Variants in BLTP1 observed in about 807,000 individuals in gnomAD.
The protein encoded by BLTP1 is fragile site-associated protein.
the BLTP1 span, chr4:122,173,243 A>T: frequency 7.5e-7 from 1 of 1,335,496 alleles, no homozygotes; most frequent in East Asian, 2.3e-5. Context: ...AATGCCTGAG[A>T]CTAGGTCATT....
the BLTP1 span, chr4:122,279,654 C>T: frequency 8.8e-7 from 1 of 1,133,320 alleles, no homozygotes; most frequent in South Asian, 1.7e-5. Context: ...ACACATTTTC[C>T]ATGAACTTTT....
the BLTP1 span, among the ~76,000 whole-genome samples, chr4:122,337,545 A>C: frequency 6.6e-6 from 1 of 152,110 alleles, no homozygotes; most frequent in African/African-American, 2.4e-5. Flanking sequence ...TTTTCTACCA[A>C]GAAGTTTCAT....
chr4:122,174,169 A>T, the BLTP1 span: 2 of 983,784 alleles, frequency 2.0e-6, no homozygotes, highest in African/African-American at 1.7e-5. Context: ...CTTTTAGTCG[A>T]CATAAAACTT....
At chr4:122,191,477 G>A in the BLTP1 span, among the ~76,000 whole-genome samples, 3 of 152,054 alleles carry the variant, frequency 2.0e-5, no homozygotes, top group African/African-American at 4.8e-5. Context: ...TAATGGAATT[G>A]GTGAATATTT....
the BLTP1 span, chr4:122,268,906 G>A: frequency 6.5e-6 from 1 of 152,810 alleles, no homozygotes; most frequent in African/African-American, 2.4e-5. Context: ...GTTTTGTACT[G>A]ACTTGTGGGC....
the BLTP1 span, chr4:122,154,447 A>G: frequency 0.021 from 20,324 of 985,238 alleles, 228 homozygotes; most frequent in Non-Finnish European, 0.023. Flanking sequence ...TGATTGACAA[A>G]TTAAGTCATG....
At chr4:122,300,824 C>T in the BLTP1 span, 1 of 657,770 alleles carries the variant, frequency 1.5e-6, no homozygotes, top group South Asian at 6.8e-5. Context: ...GATAGGCAGG[C>T]AGAATGTTTT....
the BLTP1 span, chr4:122,235,374 C>A: frequency 1.0e-6 from 1 of 984,486 alleles, no homozygotes; most frequent in Non-Finnish European, 1.2e-6. Flanking sequence ...AATTGTTTCA[C>A]CAGCTTGCTT....
chr4:122,282,034 A>G, the BLTP1 span: 1 of 979,990 alleles, frequency 1.0e-6, no homozygotes. Context: ...TTTAAACTTA[A>G]GTTGAAGAAA....
At chr4:122,267,627 A>C in the BLTP1 span, 1 of 980,662 alleles carries the variant, frequency 1.0e-6, no homozygotes, top group Non-Finnish European at 1.2e-6. Context: ...TGTATTAGAA[A>C]TAGGGCAGAA....
chr4:122,289,506 G>T, the BLTP1 span: 1 of 983,850 alleles, frequency 1.0e-6, no homozygotes, highest in Non-Finnish European at 1.2e-6. Flanking sequence ...CAACATTTAG[G>T]TAACTACTAA....
chr4:122,280,022 C>G, the BLTP1 span: 687 of 1,612,006 alleles, frequency 4.3e-4, 1 homozygote, highest in Admixed American at 8.5e-4. Context: ...ATTCCATATA[C>G]TACCTCAGGG....
chr4:122,346,024 C>T, the BLTP1 span: 1 of 984,718 alleles, frequency 1.0e-6, no homozygotes, highest in Non-Finnish European at 1.2e-6. Context: ...AGACAACTGA[C>T]TTAGCGGGTA....
At chr4:122,288,434 A>G in the BLTP1 span, among the ~76,000 whole-genome samples, 1 of 152,160 alleles carries the variant, frequency 6.6e-6, no homozygotes, top group South Asian at 2.1e-4. Flanking sequence ...TAATCCCAGC[A>G]CTTTGGGAGG....
chr4:122,178,625 C>T, the BLTP1 span, among the ~76,000 whole-genome samples: 7 of 152,188 alleles, frequency 4.6e-5, no homozygotes, highest in Non-Finnish European at 8.8e-5. Flanking sequence ...CTGATAAACA[C>T]TAAATACTGA....
chr4:122,164,763 T>A, the BLTP1 span, among the ~76,000 whole-genome samples: 1 of 152,130 alleles, frequency 6.6e-6, no homozygotes, highest in Non-Finnish European at 1.5e-5. Context: ...TATTTTATTT[T>A]TTTTTTTGCA....
chr4:122,200,740 A>T, the BLTP1 span: 1 of 960,836 alleles, frequency 1.0e-6, no homozygotes, highest in Admixed American at 6.2e-5. Context: ...CCATTGGTTT[A>T]TCTGGAGTGC....
the BLTP1 span, among the ~76,000 whole-genome samples, chr4:122,222,557 G>T: frequency 6.2e-3 from 942 of 152,228 alleles, 9 homozygotes; most frequent in African/African-American, 0.022. Flanking sequence ...GGTGTTGGCA[G>T]GGTCACATTC....
chr4:122,247,860 T>G, the BLTP1 span: 1 of 978,498 alleles, frequency 1.0e-6, no homozygotes, highest in Non-Finnish European at 1.2e-6. Flanking sequence ...CATTTTAATA[T>G]TTTTGATTCT....
Sources: gnomAD v4.1 joint callset for allele counts (sites outside exome capture counted in the v4.1 genomes callset) on GRCh38, gnomAD v4.1.1 for gene constraint, MANE v1.5 for transcripts, NCBI Gene and HGNC (gene_info 2026-07-23, HGNC 2026-07-21) for gene names.